ERG: variants seen among roughly 807,000 people sequenced by gnomAD.
ERG encodes the protein transcriptional regulator ERG.
Under a neutral mutation model 55.3 loss-of-function variants are expected in ERG, and 9 were observed. That is an observed-to-expected ratio of 0.16 (90% CI 0.10 to 0.28). The LOEUF is 0.28. ERG is among the 10% of genes least tolerant of loss of function. The pLI is 1.00. For synonymous variants in ERG, 223 were observed against 237.3 expected, an observed-to-expected ratio of 0.94 and a Z score of 0.55; for missense variants, 434 against 631.6, an observed-to-expected ratio of 0.69 and a Z score of 3.35.
chr21:38,602,032 T>C (rs2060167326), intron 1 of ERG, among the ~76,000 whole-genome samples: 1 of 152,204 alleles, frequency 6.6e-6, no homozygotes, highest in African/African-American at 2.4e-5. Flanking sequence ...GAGTCACTTC[T>C]GTTGTCTTCC....
At chr21:38,467,560 G>A (rs1040712441) in intron 1 of ERG, among the ~76,000 whole-genome samples, 1 of 152,138 alleles carries the variant, frequency 6.6e-6, no homozygotes, top group African/African-American at 2.4e-5. Flanking sequence ...ATAAGAAACA[G>A]GAACCCTGAA....
chr21:38,572,096 C>A (rs1056163263), intron 2 of ERG, among the ~76,000 whole-genome samples: 1 of 152,010 alleles, frequency 6.6e-6, no homozygotes, highest in Non-Finnish European at 1.5e-5. Flanking sequence ...GTGGCTCACG[C>A]CTGTAATCCC....
chr21:38,521,558 G>T (rs1568879225), intron 2 of ERG, among the ~76,000 whole-genome samples: 1 of 152,142 alleles, frequency 6.6e-6, no homozygotes, highest in Admixed American at 6.5e-5. Flanking sequence ...GGGAAAAATA[G>T]CCTCCATACA....
At chr21:38,484,287 A>G (rs2059264334) in intron 1 of ERG, among the ~76,000 whole-genome samples, 1 of 152,162 alleles carries the variant, frequency 6.6e-6, no homozygotes, top group Non-Finnish European at 1.5e-5. Context: ...ATTCTTAATC[A>G]TGATTAACCA....
At chr21:38,451,912 C>G (rs540402322) in intron 1 of ERG, among the ~76,000 whole-genome samples, 1 of 152,312 alleles carries the variant, frequency 6.6e-6, no homozygotes, top group East Asian at 1.9e-4. Context: ...CTTCACAAAG[C>G]TGGGTATGAT....
chr21:38,390,906 G>A (rs768455562), intron 9 of ERG, 89 bp downstream of exon 9: 1 of 1,031,644 alleles, frequency 9.7e-7, no homozygotes, highest in African/African-American at 1.6e-5. Flanking sequence ...TTCAGTTGAA[G>A]GAATTTCTCA....
chr21:38,375,489 T>C (rs545601543), downstream of ERG, among the ~76,000 whole-genome samples: 2 of 152,346 alleles, frequency 1.3e-5, no homozygotes, highest in Non-Finnish European at 2.9e-5. Context: ...GCTTGTTAAG[T>C]AAATGAGAGC....
chr21:38,611,374 C>T (rs947012706), intron 1 of ERG, among the ~76,000 whole-genome samples: 16 of 152,208 alleles, frequency 1.1e-4, no homozygotes, highest in African/African-American at 3.9e-4. Context: ...CACAGACCCA[C>T]GGCCCTTAGG....
At position 38,445,491 on chromosome 21, in the gene ERG, C is replaced by T. The variant is rs542019196; in HGVS notation, c.149G>A (p.Arg50His). 60 of 1,614,060 alleles carry T rather than the reference C, an allele frequency of 3.7e-5. No individual in the cohort carries two copies. Among genetic ancestry groups the T allele is most frequent in the Non-Finnish European group, 4.2e-5 (49 of 1,180,002 alleles). ...DYGQTSKMSP[R>H]VPQQDWLSQP... ...AGACAGCCAATCCTGCTGAGGGACG[C>T]GTGGGCTCATCTTGGAAGTCTGTCC... The change falls in exon 2 of 10, where the codon CGC becomes CAC. Residue 50 changes from arginine (R) to histidine (H), a missense_variant. Around this residue, in one of 5 missense-constraint regions of ERG, gnomAD observed 212 missense variants for 262.9 expected, o/e 0.81. Coordinates refer to ENST00000288319, the MANE Select transcript of ERG (RefSeq NM_182918.4).
At chr21:38,492,603 C>T (rs1459363949) in intron 1 of ERG, among the ~76,000 whole-genome samples, 1 of 152,196 alleles carries the variant, frequency 6.6e-6, no homozygotes, top group Non-Finnish European at 1.5e-5. Flanking sequence ...TCACTAAAAA[C>T]AGCTTCTGCG....
At chr21:38,463,359 T>G (rs2059060537) in intron 1 of ERG, among the ~76,000 whole-genome samples, 1 of 152,144 alleles carries the variant, frequency 6.6e-6, no homozygotes, top group Non-Finnish European at 1.5e-5. Context: ...CTCTAGGAAC[T>G]ACTTTAACAG....
chr21:38,622,740 C>CAT (rs1364223752), intron 1 of ERG, among the ~76,000 whole-genome samples: 1 of 146,342 alleles, frequency 6.8e-6, no homozygotes, highest in East Asian at 2.1e-4. Flanking sequence ...ACCACACACA[C>CAT]CACATGCTCA....
the ERG span, among the ~76,000 whole-genome samples, chr21:38,372,857 A>C: frequency 6.6e-6 from 1 of 151,790 alleles, no homozygotes; most frequent in African/African-American, 2.4e-5. Context: ...TCAATAGCTC[A>C]CACAACTATA....
intron 2 of ERG, among the ~76,000 whole-genome samples, chr21:38,522,079 A>G (rs2146750979): frequency 6.6e-6 from 1 of 152,290 alleles, no homozygotes; most frequent in East Asian, 1.9e-4. Context: ...TCTATTATAG[A>G]AAGAGTTGCT....
At chr21:38,374,664 G>A in the ERG span, among the ~76,000 whole-genome samples, 1 of 152,080 alleles carries the variant, frequency 6.6e-6, no homozygotes, top group African/African-American at 2.4e-5. Context: ...TTTCCCACCA[G>A]CCTGATTGAA....
intron 1 of ERG, among the ~76,000 whole-genome samples, chr21:38,610,086 G>A (rs923755143): frequency 6.6e-6 from 1 of 152,210 alleles, no homozygotes; most frequent in African/African-American, 2.4e-5. Context: ...AGGGAAGGAT[G>A]GAGGGAGATT....
intron 1 of ERG, among the ~76,000 whole-genome samples, chr21:38,457,194 TGGGAGG>T (rs2058998053): frequency 6.6e-6 from 1 of 152,074 alleles, no homozygotes; most frequent in African/African-American, 2.4e-5. Flanking sequence ...CCCAGCACTT[TGGGAGG>T]TGGAGGCAGG....
At chr21:38,449,796 A>G (rs1298373421) in intron 1 of ERG, among the ~76,000 whole-genome samples, 2 of 152,232 alleles carry the variant, frequency 1.3e-5, no homozygotes, top group African/African-American at 4.8e-5. Flanking sequence ...TTGTTAATAC[A>G]GAGAATCCAT....
chr21:38,565,907 T>C (rs1290556041), intron 2 of ERG, among the ~76,000 whole-genome samples: 2 of 152,190 alleles, frequency 1.3e-5, no homozygotes, highest in Non-Finnish European at 2.9e-5. Context: ...AGATTGAAAT[T>C]GGATCCAAAA....
Sources: gnomAD v4.1 joint callset for allele counts (sites outside exome capture counted in the v4.1 genomes callset) on GRCh38, gnomAD v4.1.1 for gene constraint, gnomAD v4.1.1 regional missense constraint, MANE v1.5 for transcripts, NCBI Gene and HGNC (gene_info 2026-07-23, HGNC 2026-07-21) for gene names.